The following GRM5 variants were observed in gnomAD, a reference collection of about 807,000 sequenced individuals.
The protein encoded by GRM5 is metabotropic glutamate receptor 5.
A neutral mutation model predicts 83.1 loss-of-function variants in GRM5; 19 were observed. That is an observed-to-expected ratio of 0.23 (90% CI 0.16 to 0.34). The LOEUF is 0.34. Ranked by LOEUF, GRM5 falls within the 10% of genes least tolerant of loss-of-function variation. The pLI, the probability that GRM5 is intolerant of heterozygous loss-of-function variation, is 1.00. For synonymous variants in GRM5, 675 were observed against 633.6 expected (o/e 1.07, Z -0.98); for missense variants, 1,160 against 1,588.3 (o/e 0.73, Z 4.58).
intron 3 of GRM5, among the ~76,000 whole-genome samples, chr11:88,746,009 G>T (rs756866634): frequency 1.2e-4 from 18 of 152,098 alleles, no homozygotes; most frequent in Non-Finnish European, 1.8e-4. Context: ...AAAATTAGAA[G>T]AAATAATTCT....
At chr11:88,772,803 T>C (rs1024914918) in intron 3 of GRM5, among the ~76,000 whole-genome samples, 8 of 152,198 alleles carry the variant, frequency 5.3e-5, no homozygotes, top group Admixed American at 3.9e-4. Flanking sequence ...GGCTGCATAG[T>C]ATTCCATGGT....
intron 3 of GRM5, among the ~76,000 whole-genome samples, chr11:88,804,801 T>C (rs79346016): frequency 0.038 from 5,746 of 152,138 alleles, 368 homozygotes; most frequent in African/African-American, 0.13. Context: ...TGGGGAATAA[T>C]AGATATTGGA....
chr11:88,912,433 C>A (rs1254956697), intron 2 of GRM5, among the ~76,000 whole-genome samples: 1 of 149,676 alleles, frequency 6.7e-6, no homozygotes, highest in African/African-American at 2.5e-5. Flanking sequence ...TAAAGGCTTG[C>A]ATTTGCCCTC....
chr11:89,023,710 C>T (rs903217536), intron 2 of GRM5, among the ~76,000 whole-genome samples: 2 of 151,650 alleles, frequency 1.3e-5, no homozygotes, highest in Admixed American at 1.3e-4. Context: ...AATATTCAGG[C>T]ATAGTGGCAC....
At chr11:88,555,653 A>G (rs1034945563) in intron 8 of GRM5, among the ~76,000 whole-genome samples, 5 of 152,092 alleles carry the variant, frequency 3.3e-5, no homozygotes, top group African/African-American at 1.2e-4. Flanking sequence ...GGAGTCACGC[A>G]CTCTGGCAAC....
chr11:88,569,558 T>A (rs986731962), intron 7 of GRM5, among the ~76,000 whole-genome samples: 9 of 152,216 alleles, frequency 5.9e-5, no homozygotes, highest in Admixed American at 2.6e-4. Flanking sequence ...TGACTCATGG[T>A]AGAAAGTAAC....
intron 2 of GRM5, among the ~76,000 whole-genome samples, chr11:88,891,528 G>T (rs1945144040): frequency 6.7e-6 from 1 of 149,346 alleles, no homozygotes; most frequent in Non-Finnish European, 1.5e-5. Context: ...TTGCCAAAAT[G>T]ATGTCCAGTC....
chr11:89,045,455 A>G (rs1941622297), intron 2 of GRM5, among the ~76,000 whole-genome samples: 1 of 152,296 alleles, frequency 6.6e-6, no homozygotes, highest in East Asian at 1.9e-4. Flanking sequence ...AAAATGTTAT[A>G]TATACAGAAA....
In GRM5 at chr11:88,672,495, G is replaced by A. The variant is rs1565180929; in HGVS notation, c.912-19092C>T. ...TATACAAAATGAGACACGAGAAATT[G>A]GGCCCATGTCTTGAAGAAAAGTTAT... is the stretch of plus-strand genomic sequence containing the variant. On this transcript the variant is annotated intron_variant, in intron 3 of 9. Transcript: ENST00000305447. Among the ~76,000 whole-genome samples the A allele has an allele frequency of 2.6e-5, 4 of 151,988 alleles. No individual in the cohort carries two copies. The South Asian group carries it at 8.3e-4, about 32-fold the overall frequency.
intron 3 of GRM5, among the ~76,000 whole-genome samples, chr11:88,759,753 C>T (rs535607810): frequency 6.6e-6 from 1 of 152,184 alleles, no homozygotes; most frequent in South Asian, 2.1e-4. Flanking sequence ...GAACTCTCCA[C>T]CCCAAAACAA....
chr11:89,049,249 T>C (rs773268249), intron 1 of GRM5, among the ~76,000 whole-genome samples: 2 of 152,230 alleles, frequency 1.3e-5, no homozygotes, highest in Admixed American at 6.5e-5. Flanking sequence ...TTAGTATAGC[T>C]ATGAATGTCA....
chr11:88,610,592 T>C (rs1591380377), intron 4 of GRM5, among the ~76,000 whole-genome samples: 1 of 152,214 alleles, frequency 6.6e-6, no homozygotes, highest in Admixed American at 6.5e-5. Context: ...TTACCGAAGT[T>C]GTTTATCAGT....
intron 9 of GRM5, among the ~76,000 whole-genome samples, chr11:88,518,750 C>A (rs929637683): frequency 6.6e-6 from 1 of 151,690 alleles, no homozygotes; most frequent in Non-Finnish European, 1.5e-5. Flanking sequence ...TAGACTATTG[C>A]TCTTGCAGGT....
At chr11:88,757,940 C>T (rs1302118091) in intron 3 of GRM5, among the ~76,000 whole-genome samples, 5 of 152,194 alleles carry the variant, frequency 3.3e-5, no homozygotes, top group South Asian at 2.1e-4. Context: ...AAGTCAGACT[C>T]GCAAGTCCCC....
In GRM5 at chr11:88,567,356, A is replaced by G. The variant is rs1942897827; in HGVS notation, c.2327T>C (p.Phe776Ser). 1 of 1,613,994 alleles carries G rather than the reference A, an allele frequency of 6.2e-7. No individual in the cohort carries two copies. Among genetic ancestry groups the G allele is most frequent in the African/African-American group, 1.3e-5 (1 of 74,920 alleles). ...TATAATGCAGGTCGTGTACATTGTGAAGGCGATATACTTGGCCTCGTTGAA... is the reference window on the plus strand; with the variant it reads ...TATAATGCAGGTCGTGTACATTGTGGAGGCGATATACTTGGCCTCGTTGAA... ...ANFNEAKYIA[F>S]TMYTTCIIWL... Residue 776 changes from phenylalanine to serine, a missense_variant, in exon 8 of 10, where the codon TTC becomes TCC. Phe to Ser is a radical substitution (Grantham distance 155). Coordinates refer to ENST00000305447, the MANE Select transcript of GRM5 (RefSeq NM_001143831.3). The surrounding 1 kb of genome is among the most constrained non-coding windows in gnomAD (Gnocchi z 7.3).
intron 3 of GRM5, among the ~76,000 whole-genome samples, chr11:88,758,525 G>A (rs1213367968): frequency 1.3e-5 from 2 of 152,104 alleles, no homozygotes; most frequent in East Asian, 3.8e-4. Context: ...AAATAAGACA[G>A]TCAGAGAAGA....
intron 2 of GRM5, among the ~76,000 whole-genome samples, chr11:88,890,438 T>C (rs1268744990): frequency 6.6e-6 from 1 of 152,144 alleles, no homozygotes; most frequent in Non-Finnish European, 1.5e-5. Context: ...TTACAAGTGC[T>C]GAATATTCTG....
intron 2 of GRM5, among the ~76,000 whole-genome samples, chr11:88,972,154 C>T (rs594060): frequency 2.6e-5 from 4 of 152,084 alleles, no homozygotes; most frequent in Admixed American, 1.3e-4. Flanking sequence ...ATGACATCTC[C>T]GACCAGAAAC....
chr11:88,880,981 C>G (rs1944942725), intron 2 of GRM5, among the ~76,000 whole-genome samples: 1 of 151,660 alleles, frequency 6.6e-6, no homozygotes, highest in Admixed American at 6.6e-5. Context: ...CAACACTGAC[C>G]CTAAATAAAT....
Sources: allele counts gnomAD v4.1 joint callset (sites outside exome capture counted in the v4.1 genomes callset), GRCh38; gene constraint gnomAD v4.1.1; non-coding constraint Gnocchi (gnomAD v3.1); transcripts MANE v1.5; gene names NCBI Gene and HGNC (gene_info 2026-07-23, HGNC 2026-07-21).